The following ZDHHC6 variants were observed in gnomAD, a reference collection of about 807,000 sequenced individuals.
ZDHHC6 encodes the protein zDHHC palmitoyltransferase 6, also known as palmitoyltransferase ZDHHC6.
A neutral mutation model predicts 57.8 loss-of-function variants in ZDHHC6; 32 were observed. The observed-to-expected ratio is 0.55, with a 90% CI of 0.42 to 0.74. ZDHHC6 has a LOEUF of 0.74. ZDHHC6 is among the 30% of genes least tolerant of loss of function. The pLI is 0.00. For missense variants in ZDHHC6, 433 were observed against 500.7 expected (o/e 0.86, Z 1.29); for synonymous variants, 128 against 158.0 (o/e 0.81, Z 1.42).
At chr10:112,426,896 C>A, downstream of ZDHHC6, 1 of 1,515,952 alleles carries the variant, frequency 6.6e-7, no homozygotes, top group South Asian at 1.1e-5. Flanking sequence ...GGCCTCTTGT[C>A]AGAAAGTTTT....
At position 112,445,259 on chromosome 10, in the gene ZDHHC6, T is replaced by G; in HGVS notation, c.178A>C (p.Met60Leu). The G allele has an allele frequency of 6.2e-7, 1 of 1,614,178 alleles. No individual in the cohort carries two copies. Among genetic ancestry groups the G allele is most frequent in the Non-Finnish European group, 8.5e-7 (1 of 1,180,020 alleles). ...HTTGGSVNFI[M>L]LINWTVMILY... Reference sequence around the variant, plus strand: ...ATCATGACAGTCCAATTTATCAACATGATGAAATTCACACTTCCTCCAGTT... The same window carrying G: ...ATCATGACAGTCCAATTTATCAACAGGATGAAATTCACACTTCCTCCAGTT... Residue 60 changes from methionine (M) to leucine (L), a missense_variant, in exon 2 of 11, where the codon ATG becomes CTG. Coordinates refer to ENST00000369405, the MANE Select transcript of ZDHHC6 (RefSeq NM_022494.3).
At chr10:112,429,350 C>T (rs1589711493), downstream of ZDHHC6, among the ~76,000 whole-genome samples, 1 of 152,180 alleles carries the variant, frequency 6.6e-6, no homozygotes, top group South Asian at 2.1e-4. Context: ...TTTGTTCTTG[C>T]TGCTGTCTCT....
downstream of ZDHHC6, chr10:112,426,296 A>G (rs1165576696): frequency 6.2e-7 from 1 of 1,614,078 alleles, no homozygotes; most frequent in Admixed American, 1.7e-5. Context: ...ACACAGATGT[A>G]CTTCCCTCAT....
intron 4 of ZDHHC6, among the ~76,000 whole-genome samples, chr10:112,441,215 G>GT (rs1846088824): frequency 6.6e-6 from 1 of 152,196 alleles, no homozygotes; most frequent in Admixed American, 6.5e-5. Flanking sequence ...TTTCTCAAAT[G>GT]TTACTTTTTG....
chr10:112,424,627 A>T (rs1334104647), exon 12 of ZDHHC6: 1 of 152,240 alleles, frequency 6.6e-6, no homozygotes, highest in Non-Finnish European at 1.5e-5. Context: ...TGGCTAATTT[A>T]TCAAGTCGGC....
chr10:112,426,507 T>C (rs1016028230), downstream of ZDHHC6: 8 of 652,656 alleles, frequency 1.2e-5, no homozygotes, highest in Non-Finnish European at 1.6e-5. Context: ...ATGGAGAGTT[T>C]AAAAAATAAA....
At chr10:112,442,024 A>T (rs977085406) in intron 4 of ZDHHC6, among the ~76,000 whole-genome samples, 168 bp downstream of exon 4, 1 of 152,252 alleles carries the variant, frequency 6.6e-6, no homozygotes, top group African/African-American at 2.4e-5. Context: ...TTAAAATTTA[A>T]GTTTTAATGC....
chr10:112,439,685 G>C (rs2133877046), intron 5 of ZDHHC6, among the ~76,000 whole-genome samples: 1 of 115,940 alleles, frequency 8.6e-6, no homozygotes, highest in Admixed American at 9.0e-5. Flanking sequence ...AAAAAGAATG[G>C]TTTTTGGTCC....
At position 112,442,420 on chromosome 10, in the gene ZDHHC6, A is replaced by G. The variant is rs1197873044; in HGVS notation, c.360-69T>C. 4.0e-6 allele frequency: 6 copies of G among 1,483,750 alleles called. No individual in the cohort carries two copies. In the African/African-American group the frequency reaches 7.0e-5, roughly 17 times the overall value. 91.9% of individuals were successfully genotyped at this position (1,483,750 alleles called of 1,614,324 possible). A position where few individuals can be genotyped will look rare whatever the true frequency, so the allele number is the denominator to read the frequency against. Reference sequence around the variant, plus strand: ...TCTACTTTAAATAACTTTGGTCTTCAAAAGATCAAGCAAATAGGAATCCAG... The same window carrying G: ...TCTACTTTAAATAACTTTGGTCTTCGAAAGATCAAGCAAATAGGAATCCAG... On this transcript the variant is annotated intron_variant, in intron 3 of 10. Transcript: ENST00000369405.
chr10:112,426,727 A>G, downstream of ZDHHC6: 1 of 1,494,552 alleles, frequency 6.7e-7, no homozygotes, highest in South Asian at 1.1e-5. Flanking sequence ...GAGTTGGTTC[A>G]TGCTTAGCCC....
rs151081647 is a variant in ZDHHC6, at chr10:112,430,850, T to C, written c.1196A>G (p.Asp399Gly). Residue 399 changes from aspartate (D) to glycine (G), a missense_variant, in exon 11 of 11, where the codon GAT becomes GGT. Asp to Gly is a moderately conservative substitution (Grantham distance 94). Coordinates refer to ENST00000369405, the MANE Select transcript of ZDHHC6 (RefSeq NM_022494.3). ...CTCTGGGGCTTGATCTGTTTCAGCATCACAGGGACACTTTTCCACACATTT... is the reference window on the plus strand; with the variant it reads ...CTCTGGGGCTTGATCTGTTTCAGCACCACAGGGACACTTTTCCACACATTT... ...PRKCVEKCPC[D>G]AETDQAPEGE... 6.2e-7 allele frequency: 1 copy of C among 1,614,014 alleles called. No homozygotes were observed. Among genetic ancestry groups the C allele is most frequent in the South Asian group, 1.1e-5 (1 of 91,052 alleles).
chr10:112,445,926 C>T (rs2133965088), intron 1 of ZDHHC6, among the ~76,000 whole-genome samples: 1 of 152,300 alleles, frequency 6.6e-6, no homozygotes, highest in Non-Finnish European at 1.5e-5. Context: ...CCATCCAACG[C>T]TTAGTGAATA....
At chr10:112,439,669 A>AAAAAAAAAAAAAAAAAAAAAT (rs757796332) in intron 5 of ZDHHC6, among the ~76,000 whole-genome samples, 3 of 108,562 alleles carry the variant, frequency 2.8e-5, no homozygotes, top group Non-Finnish European at 3.7e-5. Context: ...AAAAAAAAAA[A>AAAAAAAAAAAAAAAAAAAAAT]GAATGAAAAA....
chr10:112,443,382 G>T (rs1846323972), intron 3 of ZDHHC6, 133 bp downstream of exon 3: 4 of 637,684 alleles, frequency 6.3e-6, no homozygotes, highest in Non-Finnish European at 1.0e-5. Flanking sequence ...ATGGACACAA[G>T]TATTCTGACA....
rs1427480661 is a variant in ZDHHC6, at chr10:112,430,914, G to A, written c.1139-7C>T. On this transcript the variant is annotated splice_region_variant and splice_polypyrimidine_tract_variant and intron_variant, in intron 10 of 10. Coordinates refer to ENST00000369405, the MANE Select transcript of ZDHHC6 (RefSeq NM_022494.3). Reference sequence around the variant, plus strand: ...CCCCTTATTCTTGAAACACCTGAGGGAGAAAATGAAATTGAGGTGAAATAG... The same window carrying A: ...CCCCTTATTCTTGAAACACCTGAGGAAGAAAATGAAATTGAGGTGAAATAG... 2 of 1,610,726 alleles carry A rather than the reference G, an allele frequency of 1.2e-6. No individual in the cohort carries two copies. The highest frequency in any genetic ancestry group is 8.5e-7 in the Non-Finnish European group (1 of 1,177,932).
chr10:112,443,734 T>A (rs1389458878), intron 2 of ZDHHC6, 128 bp from the exon 3 acceptor site: 1 of 641,960 alleles, frequency 1.6e-6, no homozygotes, highest in Non-Finnish European at 2.6e-6. Context: ...TCCAGTCCTC[T>A]TATTTGAGCT....
At chr10:112,437,351 T>G (rs1845641693) in intron 6 of ZDHHC6, among the ~76,000 whole-genome samples, 1 of 152,164 alleles carries the variant, frequency 6.6e-6, no homozygotes, top group African/African-American at 2.4e-5. Flanking sequence ...TAAAACCACA[T>G]ACTGGTAAAA....
In ZDHHC6 at chr10:112,438,391, TG is replaced by T; in HGVS notation, c.682-3del. ...TTTGTTTCTGAGAATTATTTTCATC[TG>T]GAAATTAAATGATAGTAAAATTTAA... On this transcript the variant is annotated splice_polypyrimidine_tract_variant and splice_region_variant and intron_variant, in intron 5 of 10. Transcript: ENST00000369405. 1 of 1,387,054 alleles carries T rather than the reference TG, an allele frequency of 7.2e-7. No homozygotes were observed. Among genetic ancestry groups the T allele is most frequent in the Non-Finnish European group, 9.6e-7 (1 of 1,040,204 alleles). The allele number at this position is 1,387,054 out of a possible 1,614,324, so 85.9% of individuals were successfully genotyped here. A position where few individuals can be genotyped will look rare whatever the true frequency, so the allele number is the denominator to read the frequency against.
chr10:112,428,607 T>G (rs897554307), downstream of ZDHHC6, among the ~76,000 whole-genome samples: 22 of 151,796 alleles, frequency 1.4e-4, no homozygotes, highest in Non-Finnish European at 2.1e-4. Context: ...CCATCTCTAC[T>G]AAAAATACAA....
Sources: allele counts gnomAD v4.1 joint callset (sites outside exome capture counted in the v4.1 genomes callset), GRCh38; gene constraint gnomAD v4.1.1; transcripts MANE v1.5; gene names NCBI Gene and HGNC (gene_info 2026-07-23, HGNC 2026-07-21).